Variants in SH3BGR observed in about 807,000 individuals in gnomAD.
SH3BGR encodes the protein SH3 domain-binding glutamic acid-rich protein.
In SH3BGR, 29 loss-of-function variants were observed where a neutral mutation model predicts 24.5. The ratio of observed to expected loss-of-function variants is 1.18; its 90% CI spans 0.88 to 1.61. The LOEUF (loss-of-function observed/expected upper bound fraction) is 1.61. SH3BGR is among the 40% of genes most tolerant of loss of function. SH3BGR has a pLI of 0.00. For missense variants in SH3BGR, 162 were observed against 205.8 expected, an observed-to-expected ratio of 0.79 and a Z score of 1.30; for synonymous variants, 55 against 65.7, an observed-to-expected ratio of 0.84 and a Z score of 0.79.
intron 3 of SH3BGR, among the ~76,000 whole-genome samples, chr21:39,496,879 A>G (rs1474518537): frequency 6.6e-6 from 1 of 152,168 alleles, no homozygotes; most frequent in Admixed American, 6.5e-5. Flanking sequence ...TTTAACAATA[A>G]GGAATGAAAA....
At chr21:39,452,274 C>T (rs2077587557) in intron 1 of SH3BGR, 133 bp downstream of exon 1, 1 of 1,004,096 alleles carries the variant, frequency 1.0e-6, no homozygotes, top group African/African-American at 1.6e-5. Context: ...TATGTGCGCC[C>T]TTTGCTTTCT....
chr21:39,479,463 T>G (rs1169801027), intron 3 of SH3BGR, among the ~76,000 whole-genome samples: 1 of 151,162 alleles, frequency 6.6e-6, no homozygotes, highest in African/African-American at 2.4e-5. Context: ...GTGGTGGTGA[T>G]GTTGGTGTTG....
intron 1 of SH3BGR, among the ~76,000 whole-genome samples, chr21:39,453,187 CAG>C (rs1569147132): frequency 6.6e-6 from 1 of 152,134 alleles, no homozygotes; most frequent in Non-Finnish European, 1.5e-5. Flanking sequence ...ATGAGGTTTC[CAG>C]AGAGGGTGAG....
chr21:39,510,559 A>G (rs902276509), intron 5 of SH3BGR, among the ~76,000 whole-genome samples: 3 of 152,086 alleles, frequency 2.0e-5, no homozygotes, highest in South Asian at 2.1e-4. Context: ...GGTAGTCAGT[A>G]CAGATCTGCT....
At chr21:39,510,193 C>A (rs1055533782) in intron 5 of SH3BGR, among the ~76,000 whole-genome samples, 4 of 127,644 alleles carry the variant, frequency 3.1e-5, no homozygotes, top group Admixed American at 2.2e-4. Context: ...CCGCCCGCCT[C>A]GGCCTCCCAA....
chr21:39,490,860 G>C (rs1297553794), intron 3 of SH3BGR, among the ~76,000 whole-genome samples: 1 of 151,832 alleles, frequency 6.6e-6, no homozygotes, highest in Non-Finnish European at 1.5e-5. Flanking sequence ...AGCCACCTGA[G>C]TAGCTGGGAC....
chr21:39,473,750 TG>T (rs1392075900), intron 2 of SH3BGR, among the ~76,000 whole-genome samples: 1 of 151,858 alleles, frequency 6.6e-6, no homozygotes. Context: ...CTGGGCATGA[TG>T]GCATGCACCT....
At chr21:39,451,400 C>T (rs975431213), upstream of SH3BGR, among the ~76,000 whole-genome samples, 2 of 152,158 alleles carry the variant, frequency 1.3e-5, no homozygotes, top group African/African-American at 4.8e-5. Context: ...TTAGATGGCC[C>T]ATGGCTGGTC....
At chr21:39,497,424 G>A (rs1019752041) in intron 3 of SH3BGR, among the ~76,000 whole-genome samples, 36 of 151,680 alleles carry the variant, frequency 2.4e-4, no homozygotes, top group Admixed American at 9.2e-4. Flanking sequence ...AGTAATAGAA[G>A]CATATTTTAG....
At chr21:39,462,684 C>T (rs1360842536) in intron 2 of SH3BGR, 124 bp downstream of exon 2, 5 of 569,328 alleles carry the variant, frequency 8.8e-6, no homozygotes, top group Non-Finnish European at 1.5e-5. Context: ...TCTATTTCTG[C>T]CATCCAATAG....
intron 4 of SH3BGR, among the ~76,000 whole-genome samples, chr21:39,502,525 C>T (rs1039569482): frequency 1.3e-5 from 2 of 152,220 alleles, no homozygotes; most frequent in African/African-American, 4.8e-5. Flanking sequence ...CGTGGGCCCA[C>T]ATTTGGTTCC....
At chr21:39,484,938 C>T (rs899881336) in intron 3 of SH3BGR, among the ~76,000 whole-genome samples, 1 of 152,284 alleles carries the variant, frequency 6.6e-6, no homozygotes, top group Middle Eastern at 3.4e-3. Flanking sequence ...GAAAATTAAT[C>T]TCACTCAAGC....
At chr21:39,482,095 G>C (rs1392689182) in intron 3 of SH3BGR, among the ~76,000 whole-genome samples, 2 of 152,192 alleles carry the variant, frequency 1.3e-5, no homozygotes, top group Non-Finnish European at 2.9e-5. Flanking sequence ...GAAGTCCATA[G>C]TCTCACCAGT....
chr21:39,469,027 TG>T (rs200150648), intron 2 of SH3BGR, among the ~76,000 whole-genome samples: 1,678 of 150,878 alleles, frequency 0.011, 40 homozygotes, highest in African/African-American at 0.039. Context: ...TTTTTTTTTT[TG>T]AATCAGGGTC....
At chr21:39,484,265 C>T (rs1238234574) in intron 3 of SH3BGR, among the ~76,000 whole-genome samples, 1 of 152,170 alleles carries the variant, frequency 6.6e-6, no homozygotes, top group African/African-American at 2.4e-5. Flanking sequence ...ATATTTACAT[C>T]CTCAGAGCCA....
intron 3 of SH3BGR, among the ~76,000 whole-genome samples, chr21:39,485,932 C>T (rs1479983981): frequency 6.6e-6 from 1 of 152,176 alleles, no homozygotes; most frequent in Non-Finnish European, 1.5e-5. Context: ...TCGTGATCCG[C>T]CCGCCTCGGC....
intron 3 of SH3BGR, among the ~76,000 whole-genome samples, chr21:39,477,501 ACT>A (rs2078046703): frequency 6.6e-6 from 1 of 151,946 alleles, no homozygotes; most frequent in Non-Finnish European, 1.5e-5. Context: ...ATTACAAATA[ACT>A]CTGCACTGAT....
chr21:39,508,876 A>G, intron 4 of SH3BGR, 122 bp from the exon 5 acceptor site: 1 of 633,372 alleles, frequency 1.6e-6, no homozygotes, highest in Non-Finnish European at 2.7e-6. Context: ...TTTTATGGAT[A>G]AACTAATGTG....
chr21:39,472,199 T>C (rs899759546), intron 2 of SH3BGR, among the ~76,000 whole-genome samples: 2 of 152,178 alleles, frequency 1.3e-5, no homozygotes, highest in Admixed American at 1.3e-4. Context: ...TTATAAACAA[T>C]AGAAGTTTAT....
Sources: allele counts gnomAD v4.1 joint callset (sites outside exome capture counted in the v4.1 genomes callset), GRCh38; gene constraint gnomAD v4.1.1; transcripts MANE v1.5; gene names NCBI Gene and HGNC (gene_info 2026-07-23, HGNC 2026-07-21).